CACNA2D3: variants seen among roughly 807,000 people sequenced by gnomAD.
CACNA2D3 encodes the protein voltage-dependent calcium channel subunit alpha-2/delta-3.
A neutral mutation model predicts 160.6 loss-of-function variants in CACNA2D3; 60 were observed. The observed-to-expected ratio is 0.37, with a 90% CI of 0.30 to 0.46. The LOEUF (loss-of-function observed/expected upper bound fraction) is 0.46, where lower values mean the gene tolerates loss of function less well. Among genes scored for constraint, CACNA2D3 ranks in the 20% least tolerant of loss-of-function variants. The pLI, the probability that CACNA2D3 is intolerant of heterozygous loss-of-function variation, is 1.00. For synonymous variants in CACNA2D3, 558 were observed against 492.9 expected (o/e 1.13, Z -1.75); for missense variants, 1,205 against 1,365.0 (o/e 0.88, Z 1.85).
intron 17 of CACNA2D3, among the ~76,000 whole-genome samples, chr3:54,849,344 G>T (rs759395313): frequency 1.7e-4 from 25 of 150,572 alleles, no homozygotes; most frequent in Non-Finnish European, 3.7e-4. Context: ...CAAGTTGTTT[G>T]TTCATCTCTG....
At chr3:54,839,253 A>G (rs1163304631) in intron 16 of CACNA2D3, among the ~76,000 whole-genome samples, 2 of 152,098 alleles carry the variant, frequency 1.3e-5, no homozygotes, top group African/African-American at 2.4e-5. Flanking sequence ...GCGAGACTCC[A>G]TATCAAAAAA....
At chr3:54,287,367 A>G (rs978823645) in intron 2 of CACNA2D3, among the ~76,000 whole-genome samples, 2 of 151,966 alleles carry the variant, frequency 1.3e-5, no homozygotes, top group South Asian at 4.2e-4. Context: ...ATTCAACAAG[A>G]AGAGCTAACT....
intron 35 of CACNA2D3, among the ~76,000 whole-genome samples, chr3:55,043,860 T>G (rs571080785): frequency 1.3e-5 from 2 of 152,224 alleles, no homozygotes; most frequent in Non-Finnish European, 2.9e-5. Flanking sequence ...TCCATTATCA[T>G]TTGTTGAAAA....
intron 2 of CACNA2D3, among the ~76,000 whole-genome samples, chr3:54,300,481 G>C (rs1484456830): frequency 6.6e-6 from 1 of 152,242 alleles, no homozygotes; most frequent in Non-Finnish European, 1.5e-5. Flanking sequence ...GATGTGGGCT[G>C]TGCTGCTGAA....
chr3:54,322,452 G>A (rs1704024987), intron 3 of CACNA2D3, among the ~76,000 whole-genome samples: 1 of 152,192 alleles, frequency 6.6e-6, no homozygotes, highest in Non-Finnish European at 1.5e-5. Context: ...ATCAACACTA[G>A]GAGTGAGACA....
intron 13 of CACNA2D3, among the ~76,000 whole-genome samples, chr3:54,814,444 C>T (rs1367233876): frequency 6.6e-6 from 1 of 152,214 alleles, no homozygotes; most frequent in Non-Finnish European, 1.5e-5. Flanking sequence ...CAGGGCCCTG[C>T]ACGCAAGTCA....
intron 27 of CACNA2D3, among the ~76,000 whole-genome samples, chr3:54,902,281 AAG>A (rs1418508468): frequency 6.6e-6 from 1 of 152,138 alleles, no homozygotes; most frequent in Non-Finnish European, 1.5e-5. Context: ...CTGGGGTAGA[AAG>A]AGGTTTTTTT....
chr3:54,489,989 C>T (rs2106917974), intron 4 of CACNA2D3, among the ~76,000 whole-genome samples: 1 of 152,234 alleles, frequency 6.6e-6, no homozygotes, highest in East Asian at 1.9e-4. Flanking sequence ...TGGAGAGGGG[C>T]ATGGCTGAGT....
intron 2 of CACNA2D3, among the ~76,000 whole-genome samples, chr3:54,144,682 G>A (rs1408728464): frequency 6.6e-6 from 1 of 152,216 alleles, no homozygotes; most frequent in Non-Finnish European, 1.5e-5. Context: ...CTGCTTACTA[G>A]TTGTGTGGAT....
intron 16 of CACNA2D3, among the ~76,000 whole-genome samples, chr3:54,846,079 AT>A (rs1698925282): frequency 6.6e-6 from 1 of 152,070 alleles, no homozygotes; most frequent in South Asian, 2.1e-4. Context: ...TTACAGAAAC[AT>A]TAGCCACTTT....
chr3:54,810,383 C>A (rs1472725086), intron 13 of CACNA2D3, among the ~76,000 whole-genome samples: 5 of 152,114 alleles, frequency 3.3e-5, no homozygotes, highest in African/African-American at 4.8e-5. Context: ...CATCAGAGAC[C>A]CCTTGGCATA....
intron 14 of CACNA2D3, among the ~76,000 whole-genome samples, chr3:54,824,586 TG>T (rs1345423362): frequency 2.0e-5 from 3 of 152,214 alleles, no homozygotes; most frequent in Non-Finnish European, 4.4e-5. Flanking sequence ...TTGAGTCAGC[TG>T]GATATGGAGT....
intron 3 of CACNA2D3, among the ~76,000 whole-genome samples, chr3:54,368,725 G>A (rs1332795003): frequency 3.2e-5 from 4 of 124,790 alleles, no homozygotes; most frequent in African/African-American, 5.8e-5. Context: ...TTTTTGAGGC[G>A]GAGTCTCACT....
intron 16 of CACNA2D3, among the ~76,000 whole-genome samples, chr3:54,844,693 A>G (rs1256193451): frequency 6.6e-6 from 1 of 152,144 alleles, no homozygotes; most frequent in Admixed American, 6.5e-5. Context: ...GATTACTTAT[A>G]CTCAACCCCA....
intron 11 of CACNA2D3, among the ~76,000 whole-genome samples, chr3:54,728,142 A>C (rs571059886): frequency 6.6e-5 from 10 of 152,060 alleles, no homozygotes; most frequent in Non-Finnish European, 1.3e-4. Flanking sequence ...CAGTTTTGTA[A>C]AATTTTTGTC....
intron 17 of CACNA2D3, among the ~76,000 whole-genome samples, chr3:54,867,574 G>C (rs1699432522): frequency 6.7e-6 from 1 of 148,832 alleles, no homozygotes; most frequent in South Asian, 2.1e-4. Context: ...ATAATATGGA[G>C]ATAAAGTATT....
At chr3:54,402,498 A>G (rs1027559592) in intron 4 of CACNA2D3, among the ~76,000 whole-genome samples, 2 of 152,186 alleles carry the variant, frequency 1.3e-5, no homozygotes, top group African/African-American at 2.4e-5. Context: ...ACTTATATCT[A>G]ATAAAATAGA....
intron 14 of CACNA2D3, among the ~76,000 whole-genome samples, chr3:54,820,979 G>T (rs11924053): frequency 0.099 from 15,130 of 152,098 alleles, 802 homozygotes; most frequent in South Asian, 0.2. Flanking sequence ...TTTAATCAAC[G>T]TAGAGTGGGC....
chr3:54,547,582 G>A (rs914692494), intron 5 of CACNA2D3, among the ~76,000 whole-genome samples: 2 of 151,416 alleles, frequency 1.3e-5, no homozygotes, highest in African/African-American at 4.9e-5. Flanking sequence ...TTTATGTTTT[G>A]GGGGCTGAAT....
Sources: gnomAD v4.1 joint callset for allele counts (sites outside exome capture counted in the v4.1 genomes callset) on GRCh38, gnomAD v4.1.1 for gene constraint, MANE v1.5 for transcripts, NCBI Gene and HGNC (gene_info 2026-07-23, HGNC 2026-07-21) for gene names.